The following ADD2 variants were observed in gnomAD, a reference collection of about 807,000 sequenced individuals.
ADD2 encodes adducin 2.
ADD2 carries 23 observed loss-of-function variants against 83.0 expected under a neutral mutation model. The ratio of observed to expected loss-of-function variants is 0.28; its 90% CI spans 0.20 to 0.39. ADD2 has a LOEUF of 0.39. Among genes scored for constraint, ADD2 ranks in the 10% least tolerant of loss-of-function variants. The probability of loss-of-function intolerance (pLI) is 1.00; values close to 1 mark genes in which losing one functional copy is unlikely to be tolerated. For synonymous variants in ADD2, 375 were observed against 375.4 expected (o/e 1.00, Z 0.01); for missense variants, 758 against 944.9 (o/e 0.80, Z 2.59).
intron 1 of ADD2, among the ~76,000 whole-genome samples, chr2:70,756,508 T>C (rs950019653): frequency 6.6e-6 from 1 of 152,254 alleles, no homozygotes; most frequent in African/African-American, 2.4e-5. Context: ...CTCAGTCAGA[T>C]ACTGAACACT....
At chr2:70,731,869 T>C (rs1165254308) in intron 1 of ADD2, among the ~76,000 whole-genome samples, 1 of 152,050 alleles carries the variant, frequency 6.6e-6, no homozygotes, top group South Asian at 2.1e-4. Flanking sequence ...CAAGAGGAGG[T>C]AGACAATGCA....
chr2:70,729,183 T>C (rs368749168), intron 1 of ADD2, among the ~76,000 whole-genome samples: 3 of 152,216 alleles, frequency 2.0e-5, no homozygotes, highest in Non-Finnish European at 4.4e-5. Context: ...CCTTCCCTCA[T>C]GCACTGTCTC....
chr2:70,743,979 G>A (rs1222484684), intron 1 of ADD2, among the ~76,000 whole-genome samples: 1 of 152,212 alleles, frequency 6.6e-6, no homozygotes, highest in Non-Finnish European at 1.5e-5. Context: ...CTATGTGTCA[G>A]ACACTGTTCC....
At chr2:70,730,754 T>A (rs1553379164) in intron 1 of ADD2, among the ~76,000 whole-genome samples, 1 of 152,218 alleles carries the variant, frequency 6.6e-6, no homozygotes, top group East Asian at 1.9e-4. Flanking sequence ...ATGATTATAA[T>A]ACTATATTTT....
At position 70,688,073 on chromosome 2, in the gene ADD2, T is replaced by A; in HGVS notation, c.899A>T (p.Glu300Val). Reference protein sequence around the residue: ...HGVVALGDTVEEAFYKIFHLQ... With the variant: ...HGVVALGDTVVEAFYKIFHLQ... Reference sequence around the variant, plus strand: ...GTGGAAGATCTTGTAAAATGCCTCCTCTACCGTGTCACCCAGAGCAACCAC... The same window carrying A: ...GTGGAAGATCTTGTAAAATGCCTCCACTACCGTGTCACCCAGAGCAACCAC... The change falls in exon 9 of 16, where the codon GAG (glutamate) becomes GTG (valine). Residue 300 changes from glutamate (E) to valine (V), a missense_variant. Coordinates refer to ENST00000264436, the MANE Select transcript of ADD2 (RefSeq NM_001617.4). 6.2e-7 allele frequency: 1 copy of A among 1,614,206 alleles called. No individual in the cohort carries two copies. The highest frequency in any genetic ancestry group is 8.5e-7 in the Non-Finnish European group (1 of 1,180,012).
intron 9 of ADD2, among the ~76,000 whole-genome samples, chr2:70,686,533 C>T (rs1670735323): frequency 1.3e-5 from 2 of 152,060 alleles, no homozygotes; most frequent in Admixed American, 6.6e-5. Flanking sequence ...CATCCCTCTC[C>T]CTTCATTTTT....
chr2:70,758,055 T>C (rs1464953212), intron 1 of ADD2, among the ~76,000 whole-genome samples: 2 of 152,244 alleles, frequency 1.3e-5, no homozygotes, highest in African/African-American at 4.8e-5. Context: ...CCATCACTTC[T>C]GGTTACCAGG....
At chr2:70,700,400 T>C (rs1671529693) in intron 4 of ADD2, among the ~76,000 whole-genome samples, 1 of 152,232 alleles carries the variant, frequency 6.6e-6, no homozygotes, top group African/African-American at 2.4e-5. Flanking sequence ...TATTTAGAAA[T>C]TAACAATAAA....
intron 1 of ADD2, among the ~76,000 whole-genome samples, chr2:70,761,338 G>A (rs1221821952): frequency 1.3e-5 from 2 of 151,864 alleles, no homozygotes; most frequent in African/African-American, 2.4e-5. Context: ...GCTGGGCACA[G>A]TGGCTTACAC....
At chr2:70,728,000 G>A (rs976043443) in intron 1 of ADD2, among the ~76,000 whole-genome samples, 5 of 152,178 alleles carry the variant, frequency 3.3e-5, no homozygotes, top group African/African-American at 4.8e-5. Context: ...AAGGACGTCC[G>A]TGGATTTGTA....
chr2:70,673,822 G>C (rs4852698), intron 14 of ADD2, among the ~76,000 whole-genome samples: 77,012 of 152,038 alleles, frequency 0.51, 20,707 homozygotes, highest in African/African-American at 0.71. Flanking sequence ...GTCTCGAACT[G>C]CTGACCTCAG....
At chr2:70,665,877 G>A (rs1440009779) in intron 15 of ADD2, among the ~76,000 whole-genome samples, 1 of 150,576 alleles carries the variant, frequency 6.6e-6, no homozygotes, top group Non-Finnish European at 1.5e-5. Flanking sequence ...GTGCAATGGT[G>A]GAATCTCGGC....
intron 1 of ADD2, among the ~76,000 whole-genome samples, chr2:70,747,462 T>C (rs1011369578): frequency 6.6e-6 from 1 of 150,994 alleles, no homozygotes. Flanking sequence ...TGCCATGTGC[T>C]TTCCCATCAT....
chr2:70,695,933 C>A (rs937631660), intron 5 of ADD2, 132 bp from the exon 6 acceptor site: 205 of 775,006 alleles, frequency 2.6e-4, no homozygotes, highest in Non-Finnish European at 3.8e-4. Context: ...TATCTCTCCC[C>A]CCCAGCCATA....
chr2:70,768,075 G>A lies in ADD2; in HGVS notation c.-343C>T, dbSNP rs904147443. The A allele has an allele frequency of 8.1e-7, 1 of 1,231,578 alleles. No individual in the cohort carries two copies. Among genetic ancestry groups the A allele is most frequent in the South Asian group, 1.5e-5 (1 of 65,022 alleles). 76.3% of individuals were successfully genotyped at this position (1,231,578 alleles called of 1,614,324 possible). On this transcript the variant is annotated 5_prime_UTR_variant, in exon 1 of 16. Transcript: ENST00000264436. ...TCCCCCAGCAGTGCAGCGGCTCCGC[G>A]GCGGCGGGGATGACTGGCCACCGAC...
chr2:70,693,586 C>A (rs1178505172), intron 6 of ADD2, among the ~76,000 whole-genome samples: 1 of 152,152 alleles, frequency 6.6e-6, no homozygotes, highest in African/African-American at 2.4e-5. Context: ...AGATGTTCAA[C>A]AAATCTCCAC....
intron 15 of ADD2, among the ~76,000 whole-genome samples, chr2:70,668,107 GGCCTCA>G (rs1669732182): frequency 1.3e-5 from 2 of 152,168 alleles, no homozygotes. Context: ...CTGGTTCTCA[GGCCTCA>G]GACTCAGACT....
At chr2:70,690,992 C>T (rs1671002249) in intron 7 of ADD2, 63 bp from the exon 8 acceptor site, 1 of 1,533,176 alleles carries the variant, frequency 6.5e-7, no homozygotes, top group Non-Finnish European at 8.7e-7. Context: ...CAGAGCAGCA[C>T]AGTCCAGCTC....
intron 9 of ADD2, among the ~76,000 whole-genome samples, chr2:70,686,600 A>T (rs1553370563): frequency 6.6e-6 from 1 of 152,186 alleles, no homozygotes; most frequent in African/African-American, 2.4e-5. Context: ...TTCTTATTGA[A>T]GAATCTTCTC....
Sources: allele counts gnomAD v4.1 joint callset (sites outside exome capture counted in the v4.1 genomes callset), GRCh38; gene constraint gnomAD v4.1.1; transcripts MANE v1.5; gene names NCBI Gene and HGNC (gene_info 2026-07-23, HGNC 2026-07-21).